PTPRN2: variants seen among roughly 807,000 people sequenced by gnomAD.
PTPRN2 encodes protein tyrosine phosphatase receptor type N2.
Under a neutral mutation model 118.8 loss-of-function variants are expected in PTPRN2, and 74 were observed. The ratio of observed to expected loss-of-function variants is 0.62; its 90% CI spans 0.52 to 0.76. The LOEUF (loss-of-function observed/expected upper bound fraction) is 0.76. Ranked by LOEUF, PTPRN2 falls within the 30% of genes least tolerant of loss-of-function variation. The probability of loss-of-function intolerance (pLI) is 0.00; values close to 1 mark genes in which losing one functional copy is unlikely to be tolerated. For synonymous variants in PTPRN2, 641 were observed against 608.0 expected (o/e 1.05, Z -0.80); for missense variants, 1,481 against 1,394.4 (o/e 1.06, Z -0.99).
intron 2 of PTPRN2, among the ~76,000 whole-genome samples, chr7:158,456,005 G>A (rs1282849166): frequency 6.6e-6 from 1 of 150,896 alleles, no homozygotes; most frequent in East Asian, 2.0e-4. Context: ...GCTCTGCAGA[G>A]AACATAACAG....
chr7:158,152,670 C>A (rs1821308827), intron 6 of PTPRN2, among the ~76,000 whole-genome samples: 1 of 152,210 alleles, frequency 6.6e-6, no homozygotes. Context: ...TTCCCAAGAC[C>A]ACCCTGGCCC....
At chr7:157,796,417 C>T (rs574116571) in intron 12 of PTPRN2, among the ~76,000 whole-genome samples, 2 of 152,316 alleles carry the variant, frequency 1.3e-5, no homozygotes, top group South Asian at 2.1e-4. Flanking sequence ...GCTGCCCCTG[C>T]GGGGTAAACT....
chr7:158,097,296 C>T (rs1221643238), intron 10 of PTPRN2, among the ~76,000 whole-genome samples: 11 of 152,224 alleles, frequency 7.2e-5, no homozygotes, highest in African/African-American at 2.4e-4. Context: ...CGAGCAGGCA[C>T]AGGCACCTCC....
chr7:158,117,818 A>C (rs958376326), intron 9 of PTPRN2, among the ~76,000 whole-genome samples: 14 of 152,152 alleles, frequency 9.2e-5, no homozygotes, highest in South Asian at 2.1e-4. Flanking sequence ...TCCTATATCC[A>C]ACAAAATTGC....
chr7:158,472,727 A>C (rs1380132661), intron 2 of PTPRN2, among the ~76,000 whole-genome samples: 1 of 152,192 alleles, frequency 6.6e-6, no homozygotes, highest in Admixed American at 6.5e-5. Flanking sequence ...AAGACAGAGC[A>C]GACCAACGTC....
At chr7:157,692,652 A>C (rs1797564494) in intron 12 of PTPRN2, among the ~76,000 whole-genome samples, 1 of 152,214 alleles carries the variant, frequency 6.6e-6, no homozygotes, top group Non-Finnish European at 1.5e-5. Context: ...GCATCGGGCC[A>C]TGGTTCCCGC....
chr7:157,945,554 G>A (rs528521736), intron 11 of PTPRN2, among the ~76,000 whole-genome samples: 2 of 152,156 alleles, frequency 1.3e-5, no homozygotes, highest in African/African-American at 4.8e-5. Flanking sequence ...GGACAATGGC[G>A]CCTCCAACTC....
At chr7:157,850,245 A>G (rs555564359) in intron 12 of PTPRN2, among the ~76,000 whole-genome samples, 2 of 151,724 alleles carry the variant, frequency 1.3e-5, no homozygotes, top group East Asian at 3.9e-4. Flanking sequence ...TCAGGCTCAC[A>G]TAAGGGATCC....
chr7:158,299,456 T>C (rs10263215), intron 3 of PTPRN2, among the ~76,000 whole-genome samples: 146,104 of 152,084 alleles, frequency 0.96, 70,251 homozygotes, highest in African/African-American at 0.99. Flanking sequence ...TGCCACCACA[T>C]CCGGCTAATT....
At chr7:158,305,852 G>A (rs1289647163) in intron 3 of PTPRN2, among the ~76,000 whole-genome samples, 2 of 151,214 alleles carry the variant, frequency 1.3e-5, no homozygotes, top group Non-Finnish European at 2.9e-5. Context: ...AGCAAGAACA[G>A]CGAACTTCCT....
Position 158,437,510 on chromosome 7 carries a change from C to T in PTPRN2, c.163+52225G>A, listed in dbSNP as rs967145499. On this transcript the variant is annotated intron_variant, in intron 2 of 22. Transcript: ENST00000389418. ...GACTCTGGGTGAGTCTATCTTCTTA[C>T]CTTCCTCCTCACTAGACAGCCAGAT... Among the ~76,000 whole-genome samples the T allele has an allele frequency of 3.9e-5, 6 of 152,150 alleles. 1 individual carries two copies.
At chr7:158,491,666 T>A (rs1821455816) in intron 1 of PTPRN2, among the ~76,000 whole-genome samples, 1 of 152,114 alleles carries the variant, frequency 6.6e-6, no homozygotes, top group Non-Finnish European at 1.5e-5. Flanking sequence ...ATTTTTGTAT[T>A]TTTAGTAGAG....
chr7:157,982,296 TCCC>T (rs200264980), intron 11 of PTPRN2, among the ~76,000 whole-genome samples: 5 of 16,862 alleles, frequency 3.0e-4, no homozygotes, highest in Non-Finnish European at 5.5e-4. Context: ...GAGTGCAGGG[TCCC>T]CCCAAACCCT....
chr7:158,440,904 G>A (rs200604857), intron 2 of PTPRN2, among the ~76,000 whole-genome samples: 2,062 of 114,896 alleles, frequency 0.018, 34 homozygotes, highest in East Asian at 0.057. Context: ...TGGTGGTGAC[G>A]GTGATGATGA....
intron 6 of PTPRN2, among the ~76,000 whole-genome samples, chr7:158,147,725 T>C (rs1053448179): frequency 4.3e-4 from 59 of 137,970 alleles, no homozygotes; most frequent in Admixed American, 6.4e-4. Context: ...TGACACCCCA[T>C]CTCACGCCAC....
intron 11 of PTPRN2, among the ~76,000 whole-genome samples, chr7:157,936,363 A>G (rs563927683): frequency 6.6e-6 from 1 of 151,628 alleles, no homozygotes; most frequent in South Asian, 2.1e-4. Flanking sequence ...CCCAAACCAG[A>G]CTCTACTGGG....
At chr7:158,488,901 G>A (rs919414437) in intron 2 of PTPRN2, among the ~76,000 whole-genome samples, 1 of 152,240 alleles carries the variant, frequency 6.6e-6, no homozygotes, top group African/African-American at 2.4e-5. Context: ...GAGGATACTG[G>A]AGTTTAACCC....
At chr7:158,540,448 G>A (rs1563413981) in intron 1 of PTPRN2, among the ~76,000 whole-genome samples, 1 of 152,040 alleles carries the variant, frequency 6.6e-6, no homozygotes, top group Non-Finnish European at 1.5e-5. Context: ...GTCTATAAAT[G>A]TGGAGGTGAC....
At chr7:157,721,179 G>A (rs967196671) in intron 12 of PTPRN2, among the ~76,000 whole-genome samples, 12 of 152,186 alleles carry the variant, frequency 7.9e-5, no homozygotes, top group African/African-American at 2.2e-4. Flanking sequence ...GCTGTTCCCC[G>A]GCACAGAAAA....
Sources: gnomAD v4.1 joint callset for allele counts (sites outside exome capture counted in the v4.1 genomes callset) on GRCh38, gnomAD v4.1.1 for gene constraint, MANE v1.5 for transcripts, NCBI Gene and HGNC (gene_info 2026-07-23, HGNC 2026-07-21) for gene names.